NGLY1: variants seen among roughly 807,000 people sequenced by gnomAD.
The protein encoded by NGLY1 is peptide-N(4)-(N-acetyl-beta-glucosaminyl)asparagine amidase.
NGLY1 carries 68 observed loss-of-function variants against 84.6 expected under a neutral mutation model. That is an observed-to-expected ratio of 0.80 (90% CI 0.66 to 0.98). The LOEUF is 0.98. Ranked by LOEUF, NGLY1 falls within the 50% of genes least tolerant of loss-of-function variation. The pLI is 0.00. For synonymous variants in NGLY1, 280 were observed against 275.2 expected (o/e 1.02, Z -0.17); for missense variants, 779 against 770.2 (o/e 1.01, Z -0.14).
intron 3 of NGLY1, 80 bp downstream of exon 3, chr3:25,763,986 A>T: frequency 1.3e-6 from 2 of 1,518,002 alleles, no homozygotes; most frequent in Non-Finnish European, 1.8e-6. Context: ...ATTCAGGAAT[A>T]AATCATAACA....
At chr3:25,760,920 A>G (rs948590297) in intron 3 of NGLY1, among the ~76,000 whole-genome samples, 20 of 131,618 alleles carry the variant, frequency 1.5e-4, no homozygotes, top group Middle Eastern at 4.4e-3. Context: ...AAAAAAAAAA[A>G]GCTCGCACAC....
At chr3:25,772,164 T>G (rs981452642) in intron 2 of NGLY1, among the ~76,000 whole-genome samples, 1 of 152,218 alleles carries the variant, frequency 6.6e-6, no homozygotes, top group East Asian at 1.9e-4. Flanking sequence ...GGCTGTGAGT[T>G]TGTCATACAA....
chr3:25,755,213 C>T, intron 3 of NGLY1: 2 of 1,367,924 alleles, frequency 1.5e-6, no homozygotes, highest in East Asian at 4.6e-5. Flanking sequence ...TATTGCAAGG[C>T]AGAAAAATCA....
At chr3:25,785,997 T>C (rs1708594385), upstream of NGLY1, among the ~76,000 whole-genome samples, 1 of 152,236 alleles carries the variant, frequency 6.6e-6, no homozygotes, top group Non-Finnish European at 1.5e-5. Flanking sequence ...AATAGAGTTG[T>C]TGGTTAATCA....
At chr3:25,777,365 A>T (rs1232418737) in intron 2 of NGLY1, among the ~76,000 whole-genome samples, 1 of 132,672 alleles carries the variant, frequency 7.5e-6, no homozygotes, top group Admixed American at 9.8e-5. Flanking sequence ...ACCGCACTCC[A>T]GCCTGGGCAA....
intron 3 of NGLY1, among the ~76,000 whole-genome samples, chr3:25,757,986 G>C (rs1707125757): frequency 6.6e-6 from 1 of 152,130 alleles, no homozygotes. Flanking sequence ...GGGTTAAGTG[G>C]AATTACAGAT....
Position 25,719,637 on chromosome 3 carries a change from T to G in NGLY1, c.1790-2A>C. ...CAGCATAGGAGTGAAGACTGTTATCTGTTAGAGGGAAAAAAAAAATTAACA... is the reference window on the plus strand; with the variant it reads ...CAGCATAGGAGTGAAGACTGTTATCGGTTAGAGGGAAAAAAAAAATTAACA... On this transcript the variant is annotated splice_acceptor_variant, in intron 11 of 11. Transcript: ENST00000280700. LOFTEE classifies it high-confidence loss of function. The G allele has an allele frequency of 6.3e-7, 1 of 1,594,166 alleles. No individual in the cohort carries two copies.
chr3:25,787,991 C>G (rs976915052), upstream of NGLY1, among the ~76,000 whole-genome samples: 1 of 152,208 alleles, frequency 6.6e-6, no homozygotes, highest in Non-Finnish European at 1.5e-5. Context: ...CCTTTTCTGA[C>G]TTTACGAGGT....
intron 10 of NGLY1, among the ~76,000 whole-genome samples, chr3:25,723,855 A>G (rs986591163): frequency 5.3e-5 from 8 of 152,166 alleles, no homozygotes; most frequent in African/African-American, 1.9e-4. Context: ...GAGTGCTAGT[A>G]AAGTCAGAAA....
At position 25,733,817 on chromosome 3, in the gene NGLY1, C is replaced by G. The variant is rs1019533280; in HGVS notation, c.1260+55G>C. 7 of 1,227,660 alleles carry G rather than the reference C, an allele frequency of 5.7e-6. No homozygotes were observed. The African/African-American group carries it at 1.0e-4, about 18-fold the overall frequency. 76.0% of individuals were successfully genotyped at this position (1,227,660 alleles called of 1,614,324 possible). A position where few individuals can be genotyped will look rare whatever the true frequency, so the allele number is the denominator to read the frequency against. The stretch of plus-strand genomic sequence containing the variant: ...TTCAATAGGCTAATAAACGGCTATT[C>G]TCGATTACATAAAAAATGTCAACTG... On this transcript the variant is annotated intron_variant, in intron 8 of 11. Coordinates refer to ENST00000280700, the MANE Select transcript of NGLY1 (RefSeq NM_018297.4).
chr3:25,722,017 A>T (rs1046330583), intron 10 of NGLY1, among the ~76,000 whole-genome samples: 1 of 151,804 alleles, frequency 6.6e-6, no homozygotes, highest in Non-Finnish European at 1.5e-5. Context: ...TAGGTGTTCA[A>T]GACCAGCCTA....
At chr3:25,744,590 T>C (rs1706325894) in intron 4 of NGLY1, among the ~76,000 whole-genome samples, 2 of 152,208 alleles carry the variant, frequency 1.3e-5, no homozygotes, top group Admixed American at 6.5e-5. Flanking sequence ...CCATATAATA[T>C]CCACTTGCTA....
At chr3:25,783,688 G>C (rs1275350467), upstream of NGLY1, 2 of 245,296 alleles carry the variant, frequency 8.2e-6, no homozygotes, top group East Asian at 7.8e-5. This position sits in a 1 kb window ranked among gnomAD's most constrained non-coding sequence, Gnocchi z 4.5. Context: ...TTCGCGGGGG[G>C]CAAGGGGCTG....
At chr3:25,727,133 A>C (rs1403425200) in intron 10 of NGLY1, among the ~76,000 whole-genome samples, 2 of 152,208 alleles carry the variant, frequency 1.3e-5, no homozygotes, top group Non-Finnish European at 2.9e-5. Context: ...TTTAGATGGA[A>C]TACTTAAGTT....
intron 4 of NGLY1, among the ~76,000 whole-genome samples, chr3:25,740,955 C>T (rs1270572478): frequency 2.0e-5 from 3 of 151,758 alleles, no homozygotes; most frequent in Middle Eastern, 6.3e-3. Flanking sequence ...GGTGAAACTT[C>T]GTCTCTACTA....
intron 2 of NGLY1, among the ~76,000 whole-genome samples, chr3:25,776,570 G>T (rs1049835792): frequency 1.3e-5 from 2 of 152,066 alleles, no homozygotes; most frequent in Admixed American, 1.3e-4. Flanking sequence ...TGCTTACTTG[G>T]CTTCTCTACT....
intron 1 of NGLY1, among the ~76,000 whole-genome samples, chr3:25,780,683 C>T (rs745722635): frequency 5.9e-5 from 9 of 152,078 alleles, no homozygotes; most frequent in East Asian, 3.9e-4. Flanking sequence ...AGTGCAATGA[C>T]GCCATCAAAG....
intron 4 of NGLY1, chr3:25,749,861 C>A: frequency 1.1e-6 from 1 of 929,182 alleles, no homozygotes; most frequent in Non-Finnish European, 1.8e-6. Flanking sequence ...AGTCACCAAC[C>A]CCAATGCCAG....
At chr3:25,735,909 G>A in intron 7 of NGLY1, 95 bp downstream of exon 7, 2 of 1,069,240 alleles carry the variant, frequency 1.9e-6, no homozygotes, top group South Asian at 1.8e-5. Context: ...AATATATGCA[G>A]GTTATTGTAT....
Sources: gnomAD v4.1 joint callset for allele counts (sites outside exome capture counted in the v4.1 genomes callset) on GRCh38, gnomAD v4.1.1 for gene constraint, Gnocchi (gnomAD v3.1) non-coding constraint, MANE v1.5 for transcripts, NCBI Gene and HGNC (gene_info 2026-07-23, HGNC 2026-07-21) for gene names.